Variants in DRD2 observed in about 807,000 individuals in gnomAD.
The protein encoded by DRD2 is dopamine receptor D2, also known as D(2) dopamine receptor.
A neutral mutation model predicts 38.0 loss-of-function variants in DRD2; 8 were observed. That is an observed-to-expected ratio of 0.21 (90% confidence interval 0.12 to 0.38). The LOEUF (loss-of-function observed/expected upper bound fraction) is 0.38. Among genes scored for constraint, DRD2 ranks in the 10% least tolerant of loss-of-function variants. DRD2 has a pLI of 1.00. For missense variants in DRD2, 403 were observed against 607.7 expected, an observed-to-expected ratio of 0.66 and a Z score of 3.54; for synonymous variants, 230 against 238.6, an observed-to-expected ratio of 0.96 and a Z score of 0.33.
intron 1 of DRD2, among the ~76,000 whole-genome samples, chr11:113,435,067 G>T (rs868805796): frequency 6.6e-6 from 1 of 152,304 alleles, no homozygotes; most frequent in Non-Finnish European, 1.5e-5. Context: ...GTGGCCCTGG[G>T]CCTGCTCAGG....
At chr11:113,452,861 A>T (rs1047531079) in intron 1 of DRD2, among the ~76,000 whole-genome samples, 1 of 152,020 alleles carries the variant, frequency 6.6e-6, no homozygotes, top group South Asian at 2.1e-4. Context: ...CATGTTGGCC[A>T]GGCTGGTCTC....
intron 6 of DRD2, among the ~76,000 whole-genome samples, chr11:113,413,513 G>T (rs1260190542): frequency 6.6e-6 from 1 of 152,214 alleles, no homozygotes; most frequent in Non-Finnish European, 1.5e-5. Context: ...GGCCTTGGAG[G>T]TGTTAGTCTG....
chr11:113,414,186 C>T, intron 6 of DRD2, 189 bp downstream of exon 6: 1 of 700,746 alleles, frequency 1.4e-6, no homozygotes, highest in Admixed American at 2.0e-5. Flanking sequence ...CCATGCCTTG[C>T]AGAACCGAGG....
chr11:113,426,249 G>T (rs375127781), intron 1 of DRD2, among the ~76,000 whole-genome samples: 3 of 152,036 alleles, frequency 2.0e-5, no homozygotes, highest in Non-Finnish European at 4.4e-5. Flanking sequence ...GGATTTCTGC[G>T]TGGGGCTCTG....
At chr11:113,430,726 G>A (rs530248585) in intron 1 of DRD2, among the ~76,000 whole-genome samples, 3 of 152,314 alleles carry the variant, frequency 2.0e-5, no homozygotes, top group East Asian at 3.9e-4. Context: ...GCGGAGTGAG[G>A]AAAGGTTCTC....
At chr11:113,439,834 GTC>G (rs1348419043) in intron 1 of DRD2, among the ~76,000 whole-genome samples, 1 of 59,474 alleles carries the variant, frequency 1.7e-5, no homozygotes, top group African/African-American at 7.7e-5. Context: ...GGGAGGCTCT[GTC>G]TCAAAAAAAA....
At chr11:113,465,234 G>T (rs1448555542) in intron 1 of DRD2, among the ~76,000 whole-genome samples, 1 of 152,034 alleles carries the variant, frequency 6.6e-6, no homozygotes, top group African/African-American at 2.4e-5. Context: ...CCCAGTAGCT[G>T]GGATTACAGG....
chr11:113,457,585 C>T (rs372237731), intron 1 of DRD2, among the ~76,000 whole-genome samples: 2 of 151,836 alleles, frequency 1.3e-5, no homozygotes, highest in East Asian at 3.9e-4. Flanking sequence ...ACCCCCCCGA[C>T]CCCCCACTAT....
chr11:113,451,748 C>T (rs1174606770), intron 1 of DRD2, among the ~76,000 whole-genome samples: 1 of 152,098 alleles, frequency 6.6e-6, no homozygotes, highest in East Asian at 1.9e-4. Flanking sequence ...CCTCAGCCTC[C>T]CAAAGTGCTG....
At chr11:113,418,769 G>A (rs1164350104) in intron 2 of DRD2, among the ~76,000 whole-genome samples, 1 of 152,158 alleles carries the variant, frequency 6.6e-6, no homozygotes, top group Non-Finnish European at 1.5e-5. Context: ...CCAGGATGTT[G>A]AGACTAGCCA....
At position 113,447,166 on chromosome 11, in the gene DRD2, C is replaced by G. The variant is rs564359195; in HGVS notation, c.-31-22484G>C. ...CCAAAGACAGCAGCCCCACCCTCCC[C>G]GGGGCCTGGGGTAAAGTCGGGAGGC... On this transcript the variant is annotated intron_variant, in intron 1 of 7. Coordinates refer to ENST00000362072, the MANE Select transcript of DRD2 (RefSeq NM_000795.4). Among the ~76,000 whole-genome samples the G allele has an allele frequency of 3.3e-5, 5 of 152,300 alleles. No individual in the cohort carries two copies. The East Asian group carries it at 9.7e-4, about 29-fold the overall frequency.
chr11:113,456,930 C>T (rs1283375286), intron 1 of DRD2, among the ~76,000 whole-genome samples: 5 of 152,232 alleles, frequency 3.3e-5, no homozygotes, highest in Non-Finnish European at 7.4e-5. Context: ...AGAAAATAAA[C>T]TGTGATCCCC....
At chr11:113,420,499 G>A (rs1202891133) in intron 2 of DRD2, among the ~76,000 whole-genome samples, 2 of 152,182 alleles carry the variant, frequency 1.3e-5, no homozygotes, top group Admixed American at 6.5e-5. Context: ...TGTGGGCATT[G>A]CACTTTATCT....
chr11:113,458,771 TC>T (rs1013389071), intron 1 of DRD2, among the ~76,000 whole-genome samples: 9 of 152,222 alleles, frequency 5.9e-5, no homozygotes, highest in African/African-American at 2.2e-4. Context: ...TTACCCAAGT[TC>T]TAAAATTTTG....
chr11:113,410,453 G>C lies in DRD2; in HGVS notation c.*274C>G. ...GCATCTTTGGTGCCAAGGATAGGGG[G>C]ACTGGAGGTGGGAGGGGGGACTCTA... On this transcript the variant is annotated 3_prime_UTR_variant, in exon 8 of 8. Transcript: ENST00000362072. The C allele has an allele frequency of 5.4e-6, 3 of 557,908 alleles. No individual in the cohort carries two copies. The highest frequency in any genetic ancestry group is 9.7e-6 in the Non-Finnish European group (3 of 308,352). 34.6% of individuals were successfully genotyped at this position (557,908 alleles called of 1,614,324 possible).
chr11:113,452,060 G>C (rs893930998), intron 1 of DRD2, among the ~76,000 whole-genome samples: 3 of 152,048 alleles, frequency 2.0e-5, no homozygotes, highest in Non-Finnish European at 2.9e-5. Context: ...CAGCCCAAGA[G>C]GCCTGCAGGA....
chr11:113,445,873 C>A, intron 1 of DRD2, among the ~76,000 whole-genome samples: 1 of 152,172 alleles, frequency 6.6e-6, no homozygotes, highest in East Asian at 1.9e-4. Flanking sequence ...GTGATAGAGG[C>A]AGGACTCTAA....
At chr11:113,420,272 C>G (rs1950873023) in intron 2 of DRD2, among the ~76,000 whole-genome samples, 1 of 152,218 alleles carries the variant, frequency 6.6e-6, no homozygotes, top group Non-Finnish European at 1.5e-5. Flanking sequence ...GTTCCAGCCT[C>G]TATCCTAGGC....
chr11:113,414,785 G>T (rs1240580064), intron 5 of DRD2, among the ~76,000 whole-genome samples: 1 of 152,196 alleles, frequency 6.6e-6, no homozygotes, highest in Non-Finnish European at 1.5e-5. Flanking sequence ...CCATTTAACA[G>T]ATGAGGAAAC....
Sources: allele counts gnomAD v4.1 joint callset (sites outside exome capture counted in the v4.1 genomes callset), GRCh38; gene constraint gnomAD v4.1.1; transcripts MANE v1.5; gene names NCBI Gene and HGNC (gene_info 2026-07-23, HGNC 2026-07-21).